The following TBC1D31 variants were observed in gnomAD, a reference collection of about 807,000 sequenced individuals.
The protein encoded by TBC1D31 is TBC1 domain family member 31.
Under a neutral mutation model 132.9 loss-of-function variants are expected in TBC1D31, and 99 were observed. The ratio of observed to expected loss-of-function variants is 0.74; its 90% CI spans 0.63 to 0.88. The LOEUF is 0.88. TBC1D31 is among the 40% of genes least tolerant of loss of function. TBC1D31 has a pLI of 0.00. For synonymous variants in TBC1D31, 385 were observed against 419.4 expected, an observed-to-expected ratio of 0.92 and a Z score of 1.00; for missense variants, 1,134 against 1,256.6, an observed-to-expected ratio of 0.90 and a Z score of 1.48.
chr8:123,073,154 G>A (rs1419400794), intron 1 of TBC1D31: 2 of 501,928 alleles, frequency 4.0e-6, no homozygotes, highest in Non-Finnish European at 7.4e-6. Context: ...ACGGTATCCC[G>A]CTAGTGTCCC....
At chr8:123,109,654 A>C in intron 10 of TBC1D31, 34 bp downstream of exon 10, 1 of 1,524,304 alleles carries the variant, frequency 6.6e-7, no homozygotes, top group East Asian at 2.3e-5. Flanking sequence ...TGTGTATGAG[A>C]CCTGTAACTA....
downstream of TBC1D31, among the ~76,000 whole-genome samples, chr8:123,153,457 A>G (rs1392425063): frequency 6.6e-6 from 1 of 152,190 alleles, no homozygotes; most frequent in Non-Finnish European, 1.5e-5. Flanking sequence ...TCATTCAGTG[A>G]AAGTGCACTA....
chr8:123,123,024 G>C (rs1248071722), intron 11 of TBC1D31: 7 of 152,278 alleles, frequency 4.6e-5, no homozygotes, highest in Non-Finnish European at 1.0e-4. Flanking sequence ...GGCCATTGCA[G>C]TACCTGGAGC....
chr8:123,098,824 T>TG (rs1817083728), intron 6 of TBC1D31, among the ~76,000 whole-genome samples: 1 of 152,208 alleles, frequency 6.6e-6, no homozygotes, highest in South Asian at 2.1e-4. Flanking sequence ...AAAGGTTATG[T>TG]GCATCTGTAA....
chr8:123,124,065 T>C (rs888238192), intron 11 of TBC1D31, among the ~76,000 whole-genome samples: 1 of 145,252 alleles, frequency 6.9e-6, no homozygotes, highest in African/African-American at 2.6e-5. Flanking sequence ...CACTCCATAA[T>C]TGAAAAAAAA....
chr8:123,144,539 G>A (rs1312025371), intron 19 of TBC1D31, among the ~76,000 whole-genome samples, 178 bp from the exon 20 acceptor site: 2 of 152,094 alleles, frequency 1.3e-5, no homozygotes, highest in Non-Finnish European at 2.9e-5. Flanking sequence ...TGCTTTCAAG[G>A]CTCTTAATAG....
chr8:123,144,343 T>G (rs555416066), intron 19 of TBC1D31, among the ~76,000 whole-genome samples: 1 of 152,336 alleles, frequency 6.6e-6, no homozygotes, highest in African/African-American at 2.4e-5. Flanking sequence ...TTTTGTAGAT[T>G]TTATTATTAA....
At chr8:123,126,006 A>G in intron 11 of TBC1D31, 50 bp from the exon 12 acceptor site, 2 of 1,441,530 alleles carry the variant, frequency 1.4e-6, no homozygotes, top group African/African-American at 2.8e-5. Flanking sequence ...AAGAGTTTTG[A>G]TAACATGGAA....
downstream of TBC1D31, among the ~76,000 whole-genome samples, chr8:123,156,663 G>A (rs558484494): frequency 5.3e-5 from 8 of 152,240 alleles, 1 homozygote; most frequent in South Asian, 1.0e-3. Context: ...TCATGACACA[G>A]CTTCCGGCAT....
downstream of TBC1D31, among the ~76,000 whole-genome samples, chr8:123,152,497 G>A (rs1822867637): frequency 6.6e-6 from 1 of 152,114 alleles, no homozygotes; most frequent in Non-Finnish European, 1.5e-5. Context: ...CCACTTCCTA[G>A]CTCCAGAGTG....
Position 123,142,471 on chromosome 8 carries a change from T to C in TBC1D31, c.2835+15T>C, listed in dbSNP as rs746194339. On this transcript the variant is annotated intron_variant, in intron 19 of 21. Coordinates refer to ENST00000287380, the MANE Select transcript of TBC1D31 (RefSeq NM_145647.4). Reference sequence around the variant, plus strand: ...AAGCCAAGAAGGTAAAAAATAGTGTTATAAACTTTTTAATATCAAGCATTG... The same window carrying C: ...AAGCCAAGAAGGTAAAAAATAGTGTCATAAACTTTTTAATATCAAGCATTG... 1 of 1,495,780 alleles carries C rather than the reference T, an allele frequency of 6.7e-7. No homozygotes were observed. Among genetic ancestry groups the C allele is most frequent in the South Asian group, 1.4e-5 (1 of 72,514 alleles). 92.7% of individuals were successfully genotyped at this position (1,495,780 alleles called of 1,614,324 possible).
chr8:123,139,166 A>C (rs1821391722), intron 17 of TBC1D31, among the ~76,000 whole-genome samples: 1 of 150,908 alleles, frequency 6.6e-6, no homozygotes, highest in Non-Finnish European at 1.5e-5. Flanking sequence ...TGAAAACTAG[A>C]CATTTTAAAT....
intron 5 of TBC1D31, 25 bp downstream of exon 5, chr8:123,093,767 G>C: frequency 7.3e-7 from 1 of 1,361,308 alleles, no homozygotes; most frequent in South Asian, 2.0e-5. Flanking sequence ...AAGACACTAG[G>C]AATATTTAAG....
intron 11 of TBC1D31, among the ~76,000 whole-genome samples, chr8:123,124,271 A>G (rs1819797986): frequency 6.6e-6 from 1 of 152,172 alleles, no homozygotes; most frequent in South Asian, 2.1e-4. Context: ...TTTGGAACGT[A>G]TTTGTAAAAG....
intron 11 of TBC1D31, among the ~76,000 whole-genome samples, chr8:123,124,773 C>CAAAA (rs71310659): frequency 2.8e-4 from 37 of 131,556 alleles, no homozygotes; most frequent in Admixed American, 9.9e-4. Context: ...ACTGAAAATA[C>CAAAA]AAAAAAAAAA....
intron 6 of TBC1D31, among the ~76,000 whole-genome samples, chr8:123,098,652 T>G (rs1192439082): frequency 6.6e-6 from 1 of 152,252 alleles, no homozygotes; most frequent in Non-Finnish European, 1.5e-5. Context: ...TTTTCACAAC[T>G]GCATAGTGTT....
chr8:123,082,461 C>T (rs1049926082), intron 2 of TBC1D31: 9 of 401,630 alleles, frequency 2.2e-5, no homozygotes, highest in African/African-American at 6.2e-5. Context: ...CTGCCAGGAT[C>T]GTCTTCCTAA....
chr8:123,107,791 G>C (rs1818076875), intron 8 of TBC1D31, among the ~76,000 whole-genome samples: 1 of 152,182 alleles, frequency 6.6e-6, no homozygotes, highest in South Asian at 2.1e-4. Context: ...GTTCTAAAAA[G>C]TAGGTCAAAG....
intron 20 of TBC1D31, among the ~76,000 whole-genome samples, chr8:123,147,164 G>GTT (rs1554623973): frequency 2.6e-4 from 37 of 143,918 alleles, no homozygotes; most frequent in East Asian, 6.0e-4. Context: ...ACTTACCCTT[G>GTT]TTTTTTTTTT....
Sources: gnomAD v4.1 joint callset for allele counts (sites outside exome capture counted in the v4.1 genomes callset) on GRCh38, gnomAD v4.1.1 for gene constraint, MANE v1.5 for transcripts, NCBI Gene and HGNC (gene_info 2026-07-23, HGNC 2026-07-21) for gene names.